SMTNL2: variants seen among roughly 807,000 people sequenced by gnomAD.
SMTNL2 encodes the protein smoothelin like 2, also known as smoothelin-like protein 2.
SMTNL2 carries 43 observed loss-of-function variants against 44.1 expected under a neutral mutation model. The ratio of observed to expected loss-of-function variants is 0.98; its 90% confidence interval spans 0.76 to 1.26. The LOEUF (loss-of-function observed/expected upper bound fraction) is 1.26, where lower values mean the gene tolerates loss of function less well. Ranked by LOEUF, SMTNL2 falls within the 50% of genes most tolerant of loss-of-function variation. The pLI is 0.00. For synonymous variants in SMTNL2, 317 were observed against 287.6 expected (o/e 1.10, Z -1.03); for missense variants, 646 against 670.2 (o/e 0.96, Z 0.40).
intron 7 of SMTNL2, among the ~76,000 whole-genome samples, chr17:4,603,259 G>A (rs8076149): frequency 6.6e-6 from 1 of 152,012 alleles, no homozygotes; most frequent in African/African-American, 2.4e-5. Context: ...TGGGTCCTGG[G>A]TATCCTTTGT....
intron 7 of SMTNL2, among the ~76,000 whole-genome samples, chr17:4,605,566 C>T (rs1910235632): frequency 6.6e-6 from 1 of 152,090 alleles, no homozygotes; most frequent in South Asian, 2.1e-4. Flanking sequence ...ATATAATTCA[C>T]AGATGGAGAA....
chr17:4,601,356 A>G (rs1910022039), intron 7 of SMTNL2, among the ~76,000 whole-genome samples: 1 of 152,002 alleles, frequency 6.6e-6, no homozygotes, highest in South Asian at 2.1e-4. Flanking sequence ...CAGAGATTGC[A>G]GTGAACCCAG....
chr17:4,596,877 G>A lies in SMTNL2; in HGVS notation c.1007G>A (p.Arg336Gln), dbSNP rs1420541617. The A allele has an allele frequency of 5.4e-6, 8 of 1,493,636 alleles. No individual in the cohort carries two copies. The South Asian group carries it at 6.3e-5, about 12-fold the overall frequency. The allele number at this position is 1,493,636 out of a possible 1,614,324, so 92.5% of individuals were successfully genotyped here. Residue 336 changes from arginine to glutamine, a missense_variant, in exon 6 of 8, where the codon CGG (arginine) becomes CAG (glutamine). Physicochemically the swap from Arg to Gln is conservative, Grantham distance 43 (BLOSUM62 1). Transcript: ENST00000389313. ...CTCCGCAGGGGGAAAGGCGAGGCCC[G>A]GGCCAGGCTGAAGCGGTCGCAGAGC... The part of the protein sequence containing the change: ...TAAGKGKGEA[R>Q]ARLKRSQSFG...
At position 4,598,734 on chromosome 17, in the gene SMTNL2, G is replaced by C. The variant is rs1909914894; in HGVS notation, c.1259+1411G>C. Among the ~76,000 whole-genome samples the C allele has an allele frequency of 6.6e-6, 1 of 151,986 alleles. No individual in the cohort carries two copies. The highest frequency in any genetic ancestry group is 2.1e-4 in the South Asian group (1 of 4,828). On this transcript the variant is annotated intron_variant, in intron 7 of 7. Transcript: ENST00000389313. The surrounding 1 kb of genome is among the most constrained non-coding windows in gnomAD (Gnocchi z 4.8). ...AGCTACTCAGGAGGCTGAGGCAGGA[G>C]AATTGTTAGAACCCAAGAGAAAGAG...
chr17:4,589,179 G>A (rs1254495389), intron 1 of SMTNL2, among the ~76,000 whole-genome samples: 1 of 152,128 alleles, frequency 6.6e-6, no homozygotes, highest in Non-Finnish European at 1.5e-5. Context: ...CTGGTCCCCT[G>A]GGGCATCATG....
At chr17:4,605,842 CA>C (rs1392033812) in intron 7 of SMTNL2, among the ~76,000 whole-genome samples, 13 of 152,172 alleles carry the variant, frequency 8.5e-5, no homozygotes, top group African/African-American at 3.1e-4. Context: ...ATACTGTAAG[CA>C]GAGTCAGAGG....
intron 1 of SMTNL2, among the ~76,000 whole-genome samples, chr17:4,585,371 C>A (rs1362211062): frequency 6.6e-6 from 1 of 152,254 alleles, no homozygotes; most frequent in Non-Finnish European, 1.5e-5. Context: ...ATGGTCGACA[C>A]CCCTGCCTGA....
chr17:4,594,361 A>G (rs1360746843), intron 4 of SMTNL2, among the ~76,000 whole-genome samples: 5 of 152,108 alleles, frequency 3.3e-5, no homozygotes, highest in South Asian at 2.1e-4. Flanking sequence ...AGGCAGGAGA[A>G]TCGCTTGAAC....
At chr17:4,596,371 G>A (rs1357531760) in intron 5 of SMTNL2, among the ~76,000 whole-genome samples, 2 of 152,262 alleles carry the variant, frequency 1.3e-5, no homozygotes, top group African/African-American at 2.4e-5. Context: ...ACCTGGCCTA[G>A]GCCATTAGGG....
Position 4,587,866 on chromosome 17 carries a change from G to A in SMTNL2, c.399+2862G>A, listed in dbSNP as rs146092585. Among the ~76,000 whole-genome samples the A allele has an allele frequency of 2.2e-3, 336 of 152,338 alleles. 2 individuals are homozygous for A. Among genetic ancestry groups the A allele is most frequent in the African/African-American group, 7.5e-3 (311 of 41,570 alleles). ...TGAGAGCCAGCTTGGGGCCGGGGGT[G>A]GATGGTGGCAGCTTGAGGCCAGGCC... On this transcript the variant is annotated intron_variant, in intron 1 of 7. Coordinates refer to ENST00000389313, the MANE Select transcript of SMTNL2 (RefSeq NM_001114974.2).
At position 4,584,599 on chromosome 17, in the gene SMTNL2, C is replaced by T. The variant is rs1185323611; in HGVS notation, c.-7C>T. ...GCCCGCTCTCGACCCGCGCGCTCTG[C>T]TGGGCCATGGAGCCGGCCCCCGACG... On this transcript the variant is annotated 5_prime_UTR_variant, in exon 1 of 8. Coordinates refer to ENST00000389313, the MANE Select transcript of SMTNL2 (RefSeq NM_001114974.2). 27 of 1,233,922 alleles carry T rather than the reference C, an allele frequency of 2.2e-5. No homozygotes were observed. The East Asian group carries it at 8.8e-4, about 40-fold the overall frequency. 76.4% of individuals were successfully genotyped at this position (1,233,922 alleles called of 1,614,324 possible). A position where few individuals can be genotyped will look rare whatever the true frequency, so the allele number is the denominator to read the frequency against.
rs1180384695 is a variant in SMTNL2, at chr17:4,592,171, C to T, written c.400-190C>T. Among the ~76,000 whole-genome samples, 1 of 152,186 alleles carries T rather than the reference C, an allele frequency of 6.6e-6. No individual in the cohort carries two copies. Among genetic ancestry groups the T allele is most frequent in the Non-Finnish European group, 1.5e-5 (1 of 68,040 alleles). ...TTTGCCTCCCAGGATCGCAGGGGCT[C>T]AGCAGTTGGAGTGGGGCCATCCCAG... On this transcript the variant is annotated intron_variant, in intron 1 of 7. Transcript: ENST00000389313. This position sits in a 1 kb window ranked among gnomAD's most constrained non-coding sequence, Gnocchi z 4.5.
At chr17:4,597,149 T>C (rs1248894547) in intron 6 of SMTNL2, 23 bp from the exon 7 acceptor site, 1 of 1,609,904 alleles carries the variant, frequency 6.2e-7, no homozygotes, top group African/African-American at 1.3e-5. Flanking sequence ...CCTCCCGCAC[T>C]GACCCCACTC....
chr17:4,595,461 T>C lies in SMTNL2; in HGVS notation c.989+134T>C, dbSNP rs535097591. ...GCGCTGTTGCCCAGGACAAGATCTCTTGGGCAAGGCACAAAGTTAGGGCTG... is the reference window on the plus strand; with the variant it reads ...GCGCTGTTGCCCAGGACAAGATCTCCTGGGCAAGGCACAAAGTTAGGGCTG... On this transcript the variant is annotated intron_variant, in intron 5 of 7. Coordinates refer to ENST00000389313, the MANE Select transcript of SMTNL2 (RefSeq NM_001114974.2). The surrounding 1 kb of genome is among the most constrained non-coding windows in gnomAD (Gnocchi z 5.1). 6 of 1,266,720 alleles carry C rather than the reference T, an allele frequency of 4.7e-6. No homozygotes were observed. The highest frequency in any genetic ancestry group is 5.6e-4 in the Middle Eastern group (2 of 3,566). The allele number at this position is 1,266,720 out of a possible 1,614,324, so 78.5% of individuals were successfully genotyped here.
intron 1 of SMTNL2, among the ~76,000 whole-genome samples, chr17:4,588,228 G>A (rs1028230884): frequency 5.9e-5 from 9 of 152,232 alleles, no homozygotes; most frequent in Non-Finnish European, 1.0e-4. Context: ...GGATGGGCCC[G>A]TGCAGATCAG....
intron 6 of SMTNL2, 35 bp downstream of exon 6, chr17:4,597,012 C>G: frequency 2.7e-6 from 4 of 1,478,404 alleles, no homozygotes; most frequent in Non-Finnish European, 3.6e-6. Flanking sequence ...GCTGGGACGC[C>G]CCAGCTAAAA....
At position 4,604,259 on chromosome 17, in the gene SMTNL2, A is replaced by G. The variant is rs557060314; in HGVS notation, c.1260-3102A>G. 6.6e-5 allele frequency among the ~76,000 whole-genome samples: 10 copies of G among 152,282 alleles called. No homozygotes were observed. The South Asian group carries it at 1.0e-3, about 16-fold the overall frequency. On this transcript the variant is annotated intron_variant, in intron 7 of 7. Transcript: ENST00000389313. ...CTGCCCTGGCCTGTCCCAGGGAGAA[A>G]GGGTGCCCGCTCATTGGGCCAAACC...
chr17:4,591,172 C>G (rs1909555883), intron 1 of SMTNL2, among the ~76,000 whole-genome samples: 1 of 152,234 alleles, frequency 6.6e-6, no homozygotes, highest in Non-Finnish European at 1.5e-5. Flanking sequence ...CAGCCTGGCT[C>G]CCCTCCCAGA....
At chr17:4,591,366 C>T (rs760473311) in intron 1 of SMTNL2, among the ~76,000 whole-genome samples, 3 of 152,216 alleles carry the variant, frequency 2.0e-5, no homozygotes, top group Non-Finnish European at 2.9e-5. Context: ...ACCAGCCCCA[C>T]AGACACTCTC....
Sources: gnomAD v4.1 joint callset for allele counts (sites outside exome capture counted in the v4.1 genomes callset) on GRCh38, gnomAD v4.1.1 for gene constraint, Gnocchi (gnomAD v3.1) non-coding constraint, MANE v1.5 for transcripts, NCBI Gene and HGNC (gene_info 2026-07-23, HGNC 2026-07-21) for gene names.